The following DIAPH2 variants were observed in gnomAD, a reference collection of about 807,000 sequenced individuals.
DIAPH2 encodes the protein diaphanous related formin 2, also known as protein diaphanous homolog 2.
A neutral mutation model predicts 92.7 loss-of-function variants in DIAPH2; 35 were observed. The observed-to-expected ratio is 0.38, with a 90% CI of 0.29 to 0.50. The LOEUF is 0.50. Ranked by LOEUF, DIAPH2 falls within the 20% of genes least tolerant of loss-of-function variation. The pLI is 0.94. For synonymous variants in DIAPH2, 301 were observed against 280.4 expected (o/e 1.07, Z -0.73); for missense variants, 701 against 819.5 (o/e 0.86, Z 1.77).
intron 26 of DIAPH2, among the ~76,000 whole-genome samples, chrX:97,437,396 C>T (rs770961670): frequency 2.7e-5 from 3 of 111,468 alleles, no homozygotes; most frequent in South Asian, 7.6e-4. Context: ...TAATCAAATA[C>T]TAGGGGCCAG....
chrX:96,905,761 A>G (rs1388841303), intron 5 of DIAPH2, among the ~76,000 whole-genome samples: 1 of 111,947 alleles, frequency 8.9e-6, no homozygotes, highest in Non-Finnish European at 1.9e-5. Context: ...TTCCATATCT[A>G]TTCTGATGTG....
At chrX:97,589,271 C>T (rs771169338) in intron 26 of DIAPH2, among the ~76,000 whole-genome samples, 1 of 88,380 alleles carries the variant, frequency 1.1e-5, no homozygotes, top group African/African-American at 4.2e-5. Context: ...GAGCCAAGCT[C>T]GCACCACTGC....
chrX:97,433,305 G>A (rs1461511576), intron 26 of DIAPH2, among the ~76,000 whole-genome samples: 3 of 110,839 alleles, frequency 2.7e-5, no homozygotes, highest in Admixed American at 9.6e-5. Context: ...GAGCTCAGGA[G>A]TTTGAGGACA....
chrX:96,992,949 G>T (rs1285519519), intron 17 of DIAPH2, among the ~76,000 whole-genome samples: 1 of 112,402 alleles, frequency 8.9e-6, no homozygotes, highest in Non-Finnish European at 1.9e-5. Flanking sequence ...GACCTGGTGG[G>T]ATACAAACAA....
At chrX:97,302,233 A>G (rs12851888) in intron 23 of DIAPH2, among the ~76,000 whole-genome samples, 4,294 of 88,854 alleles carry the variant, frequency 0.048, 298 homozygotes, top group Middle Eastern at 0.097. Context: ...AAAAAAAAAA[A>G]GTATTGGACA....
chrX:96,723,967 G>A (rs1455490270), intron 1 of DIAPH2, among the ~76,000 whole-genome samples: 4 of 92,765 alleles, frequency 4.3e-5, no homozygotes, highest in African/African-American at 8.5e-5. Context: ...TCTGTTGCCC[G>A]GGCTGGAGTG....
At chrX:96,976,247 C>T (rs185568760) in intron 17 of DIAPH2, among the ~76,000 whole-genome samples, 130 of 108,311 alleles carry the variant, frequency 1.2e-3, no homozygotes, top group African/African-American at 3.9e-3. Context: ...AAGATCACGC[C>T]GCTGCACTCC....
At chrX:97,162,720 G>T (rs2067383101) in intron 22 of DIAPH2, among the ~76,000 whole-genome samples, 1 of 111,019 alleles carries the variant, frequency 9.0e-6, no homozygotes, top group Non-Finnish European at 1.9e-5. Context: ...TCGCCATGTT[G>T]CCCAAACTGG....
intron 23 of DIAPH2, among the ~76,000 whole-genome samples, chrX:97,256,918 C>G (rs2068241347): frequency 9.1e-6 from 1 of 110,348 alleles, no homozygotes; most frequent in South Asian, 3.9e-4. Flanking sequence ...CTGCCTCAGC[C>G]TCCCAAAGTG....
chrX:97,406,661 A>G (rs1271924508), intron 25 of DIAPH2, among the ~76,000 whole-genome samples: 4 of 111,829 alleles, frequency 3.6e-5, no homozygotes, highest in African/African-American at 1.3e-4. Context: ...ACTAAAAATC[A>G]CCAGCTGCCG....
At chrX:96,799,537 C>T (rs1213304127) in intron 4 of DIAPH2, among the ~76,000 whole-genome samples, 2 of 112,229 alleles carry the variant, frequency 1.8e-5, no homozygotes, top group African/African-American at 6.5e-5. Flanking sequence ...TGGCCGGGCG[C>T]AGTGGCTCAC....
chrX:97,276,102 C>G (rs773867722), intron 23 of DIAPH2, among the ~76,000 whole-genome samples: 3 of 112,238 alleles, frequency 2.7e-5, no homozygotes, highest in South Asian at 7.5e-4. Context: ...CAGCGAAACC[C>G]CGTCTCCACC....
chrX:96,939,516 G>GTA (rs71850967), intron 12 of DIAPH2, 134 bp downstream of exon 12: 11 of 45,897 alleles, frequency 2.4e-4, no homozygotes, highest in Non-Finnish European at 5.9e-4. Context: ...ATATATGTAT[G>GTA]TATATATATA....
intron 17 of DIAPH2, among the ~76,000 whole-genome samples, chrX:97,071,915 A>G (rs988835875): frequency 2.7e-5 from 3 of 112,177 alleles, no homozygotes. Context: ...GATTATGGTC[A>G]TATATGAACC....
At chrX:96,846,450 G>C (rs1340858387) in intron 4 of DIAPH2, among the ~76,000 whole-genome samples, 1 of 112,234 alleles carries the variant, frequency 8.9e-6, no homozygotes, top group African/African-American at 3.2e-5. Flanking sequence ...TCCTGGCCTA[G>C]TGTTATACTT....
chrX:97,216,653 G>T (rs2067886091), intron 22 of DIAPH2, among the ~76,000 whole-genome samples: 1 of 110,956 alleles, frequency 9.0e-6, no homozygotes, highest in South Asian at 3.8e-4. Flanking sequence ...GAAGAAGGGG[G>T]TATATAGGAA....
intron 5 of DIAPH2, chrX:96,884,202 C>G (rs755849336): frequency 3.2e-6 from 2 of 622,494 alleles, no homozygotes; most frequent in Non-Finnish European, 4.8e-6. Context: ...TCGGACAGCT[C>G]GAAGCCTTCT....
At chrX:97,090,298 CTTTTTTTTTTTTTTTTTTTT>C (rs760073834) in intron 19 of DIAPH2, among the ~76,000 whole-genome samples, 22 of 38,860 alleles carry the variant, frequency 5.7e-4, no homozygotes, top group Admixed American at 1.8e-3. Flanking sequence ...TCTCTGATCC[CTTTTTTTTTTTTTTTTTTTT>C]TTTTTTTTTT....
intron 23 of DIAPH2, among the ~76,000 whole-genome samples, chrX:97,277,909 G>T (rs145308595): frequency 0.013 from 1,496 of 112,062 alleles, 34 homozygotes; most frequent in African/African-American, 0.046. Flanking sequence ...GCAGGGGCGC[G>T]ATCTCGGCTC....
Sources: allele counts gnomAD v4.1 joint callset (sites outside exome capture counted in the v4.1 genomes callset), GRCh38; gene constraint gnomAD v4.1.1; transcripts MANE v1.5; gene names NCBI Gene and HGNC (gene_info 2026-07-23, HGNC 2026-07-21).